The following RASGRF1 variants were observed in gnomAD, a reference collection of about 807,000 sequenced individuals.
RASGRF1 encodes ras-specific guanine nucleotide-releasing factor 1.
A neutral mutation model predicts 138.7 loss-of-function variants in RASGRF1; 40 were observed. The ratio of observed to expected loss-of-function variants is 0.29; its 90% CI spans 0.22 to 0.38. The LOEUF (loss-of-function observed/expected upper bound fraction) is 0.38. Among genes scored for constraint, RASGRF1 ranks in the 10% least tolerant of loss-of-function variants. RASGRF1 has a pLI of 1.00. For missense variants in RASGRF1, 1,108 were observed against 1,650.4 expected (o/e 0.67, Z 5.69); for synonymous variants, 614 against 663.2 (o/e 0.93, Z 1.14).
intron 5 of RASGRF1, among the ~76,000 whole-genome samples, chr15:79,037,647 T>C (rs1046145338): frequency 5.9e-5 from 9 of 151,826 alleles, no homozygotes; most frequent in Non-Finnish European, 1.0e-4. Context: ...TTAGTAGAGA[T>C]GGGGTTTCAC....
intron 1 of RASGRF1, among the ~76,000 whole-genome samples, chr15:79,083,881 C>T (rs541179040): frequency 6.6e-6 from 1 of 152,298 alleles, no homozygotes; most frequent in East Asian, 1.9e-4. Context: ...TGGTGCCTGG[C>T]ACACAGCAGG....
At chr15:79,075,872 C>T (rs1312396141) in intron 1 of RASGRF1, among the ~76,000 whole-genome samples, 1 of 152,206 alleles carries the variant, frequency 6.6e-6, no homozygotes, top group East Asian at 1.9e-4. Flanking sequence ...TTCTGACAAA[C>T]AGGCCCAACA....
intron 6 of RASGRF1, among the ~76,000 whole-genome samples, chr15:79,034,682 A>T (rs992025424): frequency 6.6e-6 from 1 of 151,528 alleles, no homozygotes; most frequent in Non-Finnish European, 1.5e-5. Context: ...AAGTAAAAGA[A>T]AAAAAAAACA....
rs58673099 is a variant in RASGRF1 at position 78,964,180 on chromosome 15, A to T, written c.3682-1944T>A. On this transcript the variant is annotated intron_variant, in intron 26 of 26. Transcript: ENST00000558480. Reference sequence around the variant, plus strand: ...GAGGAGCAGTAATATTTATTTATTTATTTTTTTTTTTGAGGGGGAATTTCA... The same window carrying T: ...GAGGAGCAGTAATATTTATTTATTTTTTTTTTTTTTTGAGGGGGAATTTCA... Among the ~76,000 whole-genome samples the T allele has an allele frequency of 4.1e-3, 605 of 146,922 alleles. 12 individuals are homozygous for T. The highest frequency in any genetic ancestry group is 0.013 in the African/African-American group (533 of 40,296).
Position 79,046,323 on chromosome 15 carries a change from C to T in RASGRF1, c.878+423G>A, listed in dbSNP as rs1346446869. ...AACATTTAAACCAGGGTTCCTTAAC[C>T]GTGGCACTACTGACATTGTAGTTGG... is the stretch of plus-strand genomic sequence containing the variant. On this transcript the variant is annotated intron_variant, in intron 5 of 26. Transcript: ENST00000558480. This position sits in a 1 kb window ranked among gnomAD's most constrained non-coding sequence, Gnocchi z 5.3. Among the ~76,000 whole-genome samples, 3 of 152,156 alleles carry T rather than the reference C, an allele frequency of 2.0e-5. No individual in the cohort carries two copies. Among genetic ancestry groups the T allele is most frequent in the African/African-American group, 4.8e-5 (2 of 41,426 alleles).
intron 5 of RASGRF1, 67 bp from the exon 6 acceptor site, chr15:79,035,277 C>A: frequency 7.5e-7 from 1 of 1,330,882 alleles, no homozygotes. Flanking sequence ...GTGACTGTCC[C>A]CAAACCTCCT....
chr15:79,085,775 C>T (rs2057971030), intron 1 of RASGRF1, among the ~76,000 whole-genome samples: 1 of 152,162 alleles, frequency 6.6e-6, no homozygotes, highest in African/African-American at 2.4e-5. Context: ...CCCTACTCAA[C>T]TGTGAGTGTT....
chr15:78,979,940 C>A (rs1003901558), intron 24 of RASGRF1, among the ~76,000 whole-genome samples: 1 of 152,200 alleles, frequency 6.6e-6, no homozygotes, highest in African/African-American at 2.4e-5. Flanking sequence ...TTTTGGTCGT[C>A]ACAACTTGGA....
chr15:79,005,741 C>G, intron 14 of RASGRF1: 3 of 585,364 alleles, frequency 5.1e-6, no homozygotes, highest in Non-Finnish European at 6.4e-6. Context: ...CTCCCTCCCT[C>G]CCTCCCTTCC....
At chr15:78,969,413 G>A (rs1048519427) in intron 26 of RASGRF1, among the ~76,000 whole-genome samples, 3 of 152,200 alleles carry the variant, frequency 2.0e-5, no homozygotes, top group Non-Finnish European at 2.9e-5. Context: ...GGTCATGCCT[G>A]TAATCCCAGC....
chr15:78,961,281 T>C lies in RASGRF1; in HGVS notation c.*863A>G, dbSNP rs1043484882. On this transcript the variant is annotated 3_prime_UTR_variant, in exon 27 of 27. Transcript: ENST00000558480. Reference sequence around the variant, plus strand: ...GTGTGGTACTAATTATCACAAGGTATACAGACTTAGAGCATCTCAATGTAA... The same window carrying C: ...GTGTGGTACTAATTATCACAAGGTACACAGACTTAGAGCATCTCAATGTAA... The C allele has an allele frequency of 6.6e-6, 1 of 152,230 alleles. No homozygotes were observed. Among genetic ancestry groups the C allele is most frequent in the Non-Finnish European group, 1.5e-5 (1 of 68,046 alleles). The allele number at this position is 152,230 out of a possible 1,614,324, so 9.4% of individuals were successfully genotyped here.
chr15:78,987,038 T>A (rs2056173591), intron 22 of RASGRF1, among the ~76,000 whole-genome samples: 2 of 152,214 alleles, frequency 1.3e-5, no homozygotes, highest in Admixed American at 1.3e-4. Flanking sequence ...AAGGAATATC[T>A]TCCAGTTTAT....
At chr15:78,979,266 C>T in intron 24 of RASGRF1, 1 of 1,117,330 alleles carries the variant, frequency 8.9e-7, no homozygotes, top group Non-Finnish European at 1.1e-6. Flanking sequence ...TGGCAAAGGA[C>T]AGACCAAATG....
chr15:79,083,328 C>A (rs1409220509), intron 1 of RASGRF1, among the ~76,000 whole-genome samples: 1 of 152,216 alleles, frequency 6.6e-6, no homozygotes, highest in Non-Finnish European at 1.5e-5. Flanking sequence ...GTGTTCTGGA[C>A]CTCTCTCAAG....
chr15:79,063,811 A>G (rs1273061017), intron 2 of RASGRF1, among the ~76,000 whole-genome samples: 1 of 151,796 alleles, frequency 6.6e-6, no homozygotes, highest in Non-Finnish European at 1.5e-5. Context: ...TGGCTCACAA[A>G]CCCATCATTT....
chr15:79,005,296 C>G, intron 14 of RASGRF1: 1 of 985,622 alleles, frequency 1.0e-6, no homozygotes, highest in South Asian at 4.7e-5. Flanking sequence ...TGGTGAGGTT[C>G]CTGGGGAGCC....
In RASGRF1 at chr15:79,090,737, G is replaced by T. The variant is rs1321793718; in HGVS notation, c.-239C>A. ...CTCCGCAGAGCCCCAGTACCCGGAA[G>T]ATGCCGCCCGACCCTCCTCCGGTGC... On this transcript the variant is annotated 5_prime_UTR_variant, in exon 1 of 27. Coordinates refer to ENST00000558480, the MANE Select transcript of RASGRF1 (RefSeq NM_001145648.3). 4 of 565,434 alleles carry T rather than the reference G, an allele frequency of 7.1e-6. No individual in the cohort carries two copies. The highest frequency in any genetic ancestry group is 1.2e-5 in the Non-Finnish European group (4 of 332,380). 35.0% of individuals were successfully genotyped at this position (565,434 alleles called of 1,614,324 possible). A position where few individuals can be genotyped will look rare whatever the true frequency, so the allele number is the denominator to read the frequency against.
intron 19 of RASGRF1, among the ~76,000 whole-genome samples, chr15:78,996,737 CGT>C (rs71768027): frequency 0.13 from 18,690 of 147,150 alleles, 1,259 homozygotes; most frequent in Admixed American, 0.16. Flanking sequence ...TGTGTGTGTG[CGT>C]GTGTGTGTGT....
intron 15 of RASGRF1, 129 bp downstream of exon 15, chr15:79,003,673 G>A (rs954014266): frequency 3.6e-6 from 5 of 1,391,498 alleles, no homozygotes; most frequent in Admixed American, 2.4e-5. Flanking sequence ...TCTGCCTGGT[G>A]GGACCCCCAA....
Sources: allele counts gnomAD v4.1 joint callset (sites outside exome capture counted in the v4.1 genomes callset), GRCh38; gene constraint gnomAD v4.1.1; non-coding constraint Gnocchi (gnomAD v3.1); transcripts MANE v1.5; gene names NCBI Gene and HGNC (gene_info 2026-07-23, HGNC 2026-07-21).